GRIK3: variants seen among roughly 807,000 people sequenced by gnomAD.
GRIK3 encodes glutamate receptor ionotropic, kainate 3.
A neutral mutation model predicts 102.5 loss-of-function variants in GRIK3; 29 were observed. The observed-to-expected ratio is 0.28, with a 90% CI of 0.21 to 0.39. GRIK3 has a LOEUF of 0.39. Among genes scored for constraint, GRIK3 ranks in the 10% least tolerant of loss-of-function variants. GRIK3 has a pLI of 1.00. For missense variants in GRIK3, 908 were observed against 1,252.4 expected, an observed-to-expected ratio of 0.73 and a Z score of 4.15; for synonymous variants, 511 against 504.9, an observed-to-expected ratio of 1.01 and a Z score of -0.16.
Position 36,801,802 on chromosome 1 carries a change from G to A in GRIK3, c.*49C>T. ...GGGGACGTTCCTTCCAATCTCCTTT[G>A]CTTTCCTCTGCCCAGCCCCCAGGCC... On this transcript the variant is annotated 3_prime_UTR_variant, in exon 16 of 16. Transcript: ENST00000373091. 1 of 1,479,962 alleles carries A rather than the reference G, an allele frequency of 6.8e-7. No individual in the cohort carries two copies. The highest frequency in any genetic ancestry group is 9.1e-7 in the Non-Finnish European group (1 of 1,096,574). 91.7% of individuals were successfully genotyped at this position (1,479,962 alleles called of 1,614,324 possible).
At chr1:36,814,517 C>T (rs905185727) in intron 13 of GRIK3, among the ~76,000 whole-genome samples, 11 of 135,522 alleles carry the variant, frequency 8.1e-5, no homozygotes, top group Non-Finnish European at 1.4e-4. Context: ...AGACCCCCCC[C>T]CCCCACACAC....
intron 1 of GRIK3, among the ~76,000 whole-genome samples, chr1:37,012,360 T>G (rs974749259): frequency 3.9e-5 from 6 of 152,212 alleles, no homozygotes; most frequent in Non-Finnish European, 8.8e-5. Flanking sequence ...CAGCTAAGTC[T>G]CTGTGGCTTT....
Position 36,825,736 on chromosome 1 carries a change from T to C in GRIK3, c.1621A>G (p.Ser541Gly). 1 of 1,614,002 alleles carries C rather than the reference T, an allele frequency of 6.2e-7. No homozygotes were observed. The highest frequency in any genetic ancestry group is 8.5e-7 in the Non-Finnish European group (1 of 1,179,936). The change falls in exon 11 of 16, where the codon AGC (serine) becomes GGC (glycine). Residue 541 changes from serine to glycine, a missense_variant. Around this residue, in one of 3 missense-constraint regions of GRIK3, gnomAD observed 585 missense variants for 824.9 expected, o/e 0.71. Transcript: ENST00000373091. ...CCATTGGGCTTTCGATACAGGATGC[T>C]CACACCAAGTGTCATGAAGGGCTTG... is the stretch of plus-strand genomic sequence containing the variant. The part of the protein sequence containing the change: ...FSKPFMTLGV[S>G]ILYRKPNGTN...
In GRIK3 at chr1:36,818,304, G is replaced by A. The variant is rs940848470; in HGVS notation, c.1874-1027C>T. On this transcript the variant is annotated intron_variant, in intron 12 of 15. Coordinates refer to ENST00000373091, the MANE Select transcript of GRIK3 (RefSeq NM_000831.4). ...TTCCAGGTCTTTCCCAACTGTCACC[G>A]AACAAAGACGATGGACAAAAAAACA... Among the ~76,000 whole-genome samples, 38 of 152,266 alleles carry A rather than the reference G, an allele frequency of 2.5e-4. 1 individual carries two copies. Among genetic ancestry groups the A allele is most frequent in the Admixed American group, 2.2e-3 (33 of 15,300 alleles).
chr1:37,031,089 G>A (rs1043684982), intron 1 of GRIK3, among the ~76,000 whole-genome samples: 85 of 152,008 alleles, frequency 5.6e-4, no homozygotes, highest in African/African-American at 2.0e-3. Context: ...ACTGCCTTCC[G>A]TAAGTTAAGA....
chr1:36,884,894 G>A (rs1443615520), intron 2 of GRIK3, among the ~76,000 whole-genome samples: 1 of 152,176 alleles, frequency 6.6e-6, no homozygotes, highest in Non-Finnish European at 1.5e-5. Context: ...GGCCTCTTAG[G>A]TCATGTCCAA....
intron 12 of GRIK3, among the ~76,000 whole-genome samples, chr1:36,818,611 T>A (rs1330679969): frequency 6.6e-6 from 1 of 152,264 alleles, no homozygotes; most frequent in Non-Finnish European, 1.5e-5. Context: ...GTTTCTCGCA[T>A]GTGGGACAGA....
chr1:37,034,061 C>A lies in GRIK3; in HGVS notation c.48G>T (p.Trp16Cys). 1 of 1,605,460 alleles carries A rather than the reference C, an allele frequency of 6.2e-7. No homozygotes were observed. Among genetic ancestry groups the A allele is most frequent in the Non-Finnish European group, 8.5e-7 (1 of 1,176,852 alleles). Residue 16 changes from tryptophan to cysteine, a missense_variant, in exon 1 of 16, where the codon TGG (tryptophan) becomes TGT (cysteine). Around this residue, in one of 3 missense-constraint regions of GRIK3, gnomAD observed 585 missense variants for 824.9 expected, o/e 0.71. Transcript: ENST00000373091. ...RRLRSLVWEYWAGLLVCAFWI... is the reference protein window; with the variant it reads ...RRLRSLVWEYCAGLLVCAFWI... ...AGAAGGCGCACACGAGGAGCCCGGC[C>A]CAGTATTCCCAAACCAGACTCCGGA...
At chr1:37,029,573 C>T (rs1482561791) in intron 1 of GRIK3, among the ~76,000 whole-genome samples, 1 of 152,192 alleles carries the variant, frequency 6.6e-6, no homozygotes, top group Admixed American at 6.5e-5. Context: ...AAAGAACCCC[C>T]TTCACCAAGC....
chr1:36,826,853 C>T (rs750547367), intron 10 of GRIK3, among the ~76,000 whole-genome samples: 1 of 152,034 alleles, frequency 6.6e-6, no homozygotes, highest in African/African-American at 2.4e-5. Context: ...ATTTTTTGGT[C>T]TGAGATTTTC....
At chr1:36,822,643 C>T (rs1255605102) in intron 11 of GRIK3, among the ~76,000 whole-genome samples, 1 of 152,192 alleles carries the variant, frequency 6.6e-6, no homozygotes, top group African/African-American at 2.4e-5. Flanking sequence ...GGCTACACTC[C>T]ATCCCCAGCT....
chr1:36,869,367 G>C (rs1640819171), intron 5 of GRIK3, among the ~76,000 whole-genome samples: 1 of 152,172 alleles, frequency 6.6e-6, no homozygotes. Context: ...TACTTCCAGA[G>C]CTCCTCATGT....
intron 11 of GRIK3, among the ~76,000 whole-genome samples, chr1:36,824,528 G>A (rs1642732600): frequency 1.3e-5 from 2 of 152,208 alleles, no homozygotes; most frequent in South Asian, 4.1e-4. Context: ...GGAGGAGGGA[G>A]CGGAAGGGAG....
At chr1:36,937,463 A>G (rs1429879967) in intron 1 of GRIK3, among the ~76,000 whole-genome samples, 1 of 152,222 alleles carries the variant, frequency 6.6e-6, no homozygotes, top group African/African-American at 2.4e-5. Flanking sequence ...GCTATTTCTC[A>G]TTACAGGATG....
chr1:36,890,877 C>T (rs753603290), intron 2 of GRIK3, 43 bp downstream of exon 2: 8 of 1,500,052 alleles, frequency 5.3e-6, no homozygotes, highest in Non-Finnish European at 7.3e-6. Context: ...CGCTTCCCCT[C>T]CCCAGGCTGG....
intron 2 of GRIK3, among the ~76,000 whole-genome samples, chr1:36,882,055 A>G (rs1358554568): frequency 6.6e-6 from 1 of 152,006 alleles, no homozygotes; most frequent in East Asian, 1.9e-4. Flanking sequence ...CCTTCACCGC[A>G]CAATTTATAA....
At chr1:36,988,265 T>G (rs563203387) in intron 1 of GRIK3, among the ~76,000 whole-genome samples, 1 of 152,322 alleles carries the variant, frequency 6.6e-6, no homozygotes, top group Non-Finnish European at 1.5e-5. Context: ...CACCCCAGCC[T>G]GGGCCACAGA....
chr1:36,963,097 G>A (rs1268241331), intron 1 of GRIK3, among the ~76,000 whole-genome samples: 2 of 152,082 alleles, frequency 1.3e-5, no homozygotes, highest in Non-Finnish European at 2.9e-5. Flanking sequence ...AGCCAACCCC[G>A]AGGTCAGGGA....
At chr1:36,822,056 G>A (rs1198044456) in intron 11 of GRIK3, among the ~76,000 whole-genome samples, 1 of 152,254 alleles carries the variant, frequency 6.6e-6, no homozygotes, top group African/African-American at 2.4e-5. Flanking sequence ...CTCCGCAGGT[G>A]TTTCTAACCA....
Sources: allele counts gnomAD v4.1 joint callset (sites outside exome capture counted in the v4.1 genomes callset), GRCh38; gene constraint gnomAD v4.1.1; regional missense constraint gnomAD v4.1.1; transcripts MANE v1.5; gene names NCBI Gene and HGNC (gene_info 2026-07-23, HGNC 2026-07-21).